The following ATP8A2 variants were observed in gnomAD, a reference collection of about 807,000 sequenced individuals.
The protein encoded by ATP8A2 is ATPase phospholipid transporting 8A2, also known as phospholipid-transporting ATPase IB.
A neutral mutation model predicts 165.6 loss-of-function variants in ATP8A2; 100 were observed. That is an observed-to-expected ratio of 0.60 (90% CI 0.51 to 0.71). The LOEUF is 0.71. Ranked by LOEUF, ATP8A2 falls within the 30% of genes least tolerant of loss-of-function variation. The pLI is 0.00. For missense variants in ATP8A2, 1,227 were observed against 1,479.5 expected (o/e 0.83, Z 2.80); for synonymous variants, 543 against 548.8 (o/e 0.99, Z 0.15).
At chr13:25,480,523 G>C (rs2036150890) in intron 2 of ATP8A2, among the ~76,000 whole-genome samples, 1 of 149,572 alleles carries the variant, frequency 6.7e-6, no homozygotes, top group African/African-American at 2.5e-5. Context: ...AGACGGGGCG[G>C]CGGGGCAAAG....
intron 25 of ATP8A2, among the ~76,000 whole-genome samples, chr13:25,716,475 C>G (rs2043257484): frequency 2.0e-5 from 3 of 152,102 alleles, no homozygotes; most frequent in South Asian, 4.1e-4. Context: ...TCTTTCATCT[C>G]CTTTTAGTTA....
Position 25,559,749 on chromosome 13 carries a change from T to C in ATP8A2, c.1381T>C (p.Ser461Pro), listed in dbSNP as rs2039086544. Residue 461 changes from serine to proline, a missense_variant, in exon 15 of 37, where the codon TCT becomes CCT. Physicochemically the swap from Ser to Pro is moderately conservative, Grantham distance 74. Around this residue, in one of 5 missense-constraint regions of ATP8A2, gnomAD observed 592 missense variants for 785.6 expected, o/e 0.75. Transcript: ENST00000381655. The part of the protein sequence containing the change: ...GHFPELAREP[S>P]SDDFCRMPPP... ...CTTCCCAGAATTGGCAAGAGAGCCGTCTTCAGATGACTTCTGGTAAGTAGA... is the reference window on the plus strand; with the variant it reads ...CTTCCCAGAATTGGCAAGAGAGCCGCCTTCAGATGACTTCTGGTAAGTAGA... 6.2e-7 allele frequency: 1 copy of C among 1,613,348 alleles called. No individual in the cohort carries two copies. Among genetic ancestry groups the C allele is most frequent in the Non-Finnish European group, 8.5e-7 (1 of 1,179,368 alleles).
rs147687554 is a variant in ATP8A2 at position 25,705,386 on chromosome 13, A to G, written c.2384+6041A>G. On this transcript the variant is annotated intron_variant, in intron 25 of 36. Coordinates refer to ENST00000381655, the MANE Select transcript of ATP8A2 (RefSeq NM_016529.6). ...GGGGGCCGCTGGGCACTGCCTCATTAGCAGATGTGATTTACGGCTTCACAT... is the reference window on the plus strand; with the variant it reads ...GGGGGCCGCTGGGCACTGCCTCATTGGCAGATGTGATTTACGGCTTCACAT... 6.6e-3 allele frequency: 1,137 copies of G among 172,268 alleles called. 7 individuals are homozygous for G. The highest frequency in any genetic ancestry group is 0.011 in the Non-Finnish European group (880 of 80,394). 10.7% of individuals were successfully genotyped at this position (172,268 alleles called of 1,614,324 possible).
At chr13:26,001,055 T>C (rs1956622806) in intron 35 of ATP8A2, among the ~76,000 whole-genome samples, 1 of 152,188 alleles carries the variant, frequency 6.6e-6, no homozygotes, top group Admixed American at 6.5e-5. Context: ...CTCCCTGCCC[T>C]ACAGCCCCTG....
intron 33 of ATP8A2, chr13:25,863,463 C>T (rs919450505): frequency 2.0e-5 from 3 of 152,240 alleles, no homozygotes; most frequent in African/African-American, 7.2e-5. Context: ...CACCGATGTT[C>T]CCGCCCACAT....
At chr13:25,395,905 G>A (rs7985616) in intron 1 of ATP8A2, among the ~76,000 whole-genome samples, 42,773 of 151,506 alleles carry the variant, frequency 0.28, 6,812 homozygotes, top group African/African-American at 0.43. Flanking sequence ...GTGCAGTGGC[G>A]CAATCTCAGC....
chr13:25,961,489 T>A (rs1955659044), intron 33 of ATP8A2, 86 bp from the exon 34 acceptor site: 3 of 1,142,336 alleles, frequency 2.6e-6, no homozygotes, highest in Non-Finnish European at 3.9e-6. Flanking sequence ...GTTTTTGTGT[T>A]GTGAAATATT....
chr13:25,667,253 G>A (rs77527219), intron 24 of ATP8A2, among the ~76,000 whole-genome samples: 5,321 of 152,124 alleles, frequency 0.035, 158 homozygotes, highest in East Asian at 0.13. Flanking sequence ...GTTTAGATAT[G>A]GTTTGTTTGC....
intron 16 of ATP8A2, 144 bp from the exon 17 acceptor site, chr13:25,570,623 G>T: frequency 1.7e-6 from 1 of 580,354 alleles, no homozygotes; most frequent in East Asian, 2.8e-5. Context: ...GTAGGAGGGG[G>T]ATCTGAGGTC....
intron 24 of ATP8A2, among the ~76,000 whole-genome samples, chr13:25,673,970 G>A (rs1328588716): frequency 2.0e-5 from 3 of 152,172 alleles, no homozygotes; most frequent in Non-Finnish European, 4.4e-5. Flanking sequence ...TCAACAAGCT[G>A]TTTTTTGTGG....
intron 2 of ATP8A2, among the ~76,000 whole-genome samples, chr13:25,524,564 A>G (rs1379574854): frequency 6.6e-6 from 1 of 152,128 alleles, no homozygotes; most frequent in East Asian, 1.9e-4. Flanking sequence ...ATAGATATTT[A>G]TAATTGCCTT....
At chr13:25,455,231 T>G (rs1029295557) in intron 1 of ATP8A2, among the ~76,000 whole-genome samples, 1 of 152,222 alleles carries the variant, frequency 6.6e-6, no homozygotes, top group Admixed American at 6.5e-5. Context: ...CTGGACCTGA[T>G]ACGAGACTCC....
At chr13:25,905,181 G>A (rs1162821171) in intron 33 of ATP8A2, among the ~76,000 whole-genome samples, 1 of 151,966 alleles carries the variant, frequency 6.6e-6, no homozygotes. Flanking sequence ...CATTCCTGAA[G>A]ACCTAACTTT....
intron 2 of ATP8A2, among the ~76,000 whole-genome samples, chr13:25,490,555 G>C (rs1478966454): frequency 6.6e-6 from 1 of 152,132 alleles, no homozygotes; most frequent in East Asian, 1.9e-4. Flanking sequence ...ATGCATTAGG[G>C]AGTGGTCTGC....
chr13:25,741,935 A>G (rs2138149698), intron 25 of ATP8A2, among the ~76,000 whole-genome samples: 1 of 152,342 alleles, frequency 6.6e-6, no homozygotes, highest in South Asian at 2.1e-4. Context: ...GTAGAGTTTC[A>G]GGAGGTGCAA....
At chr13:25,783,505 C>T (rs1320917460) in intron 27 of ATP8A2, among the ~76,000 whole-genome samples, 1 of 152,164 alleles carries the variant, frequency 6.6e-6, no homozygotes, top group Non-Finnish European at 1.5e-5. Flanking sequence ...ATAGAGAATG[C>T]AGATAAGAAT....
At chr13:25,449,863 C>T (rs1374341069) in intron 1 of ATP8A2, among the ~76,000 whole-genome samples, 2 of 152,034 alleles carry the variant, frequency 1.3e-5, no homozygotes, top group Non-Finnish European at 2.9e-5. Context: ...GGTACAAGTG[C>T]AGGTTTGTTA....
At position 25,929,342 on chromosome 13, in the gene ATP8A2, A is replaced by C. The variant is rs543852183; in HGVS notation, c.3184-32233A>C. On this transcript the variant is annotated intron_variant, in intron 33 of 36. Coordinates refer to ENST00000381655, the MANE Select transcript of ATP8A2 (RefSeq NM_016529.6). Reference sequence around the variant, plus strand: ...ACCATCCTGGAACGGTGAGGCTGCAAGCAAGAGGAAAGGTGGCCCACATGA... The same window carrying C: ...ACCATCCTGGAACGGTGAGGCTGCACGCAAGAGGAAAGGTGGCCCACATGA... Among the ~76,000 whole-genome samples, 5 of 152,282 alleles carry C rather than the reference A, an allele frequency of 3.3e-5. No homozygotes were observed. In the South Asian group the frequency reaches 1.0e-3, roughly 32 times the overall value.
chr13:25,824,840 A>G (rs1951273703), intron 27 of ATP8A2, among the ~76,000 whole-genome samples: 1 of 152,028 alleles, frequency 6.6e-6, no homozygotes, highest in South Asian at 2.1e-4. Context: ...GAAAAAGCAT[A>G]TTGCCCTTCA....
Sources: allele counts gnomAD v4.1 joint callset (sites outside exome capture counted in the v4.1 genomes callset), GRCh38; gene constraint gnomAD v4.1.1; regional missense constraint gnomAD v4.1.1; transcripts MANE v1.5; gene names NCBI Gene and HGNC (gene_info 2026-07-23, HGNC 2026-07-21).